The following PTER variants were observed in gnomAD, a reference collection of about 807,000 sequenced individuals.
PTER encodes the protein N-acetyltaurine hydrolase.
A neutral mutation model predicts 29.6 loss-of-function variants in PTER; 38 were observed. That is an observed-to-expected ratio of 1.28 (90% confidence interval 0.99 to 1.68). PTER has a LOEUF of 1.68. Among genes scored for constraint, PTER ranks in the 40% most tolerant of loss-of-function variants. The pLI, the probability that PTER is intolerant of heterozygous loss-of-function variation, is 0.00. For missense variants in PTER, 482 were observed against 427.8 expected, an observed-to-expected ratio of 1.13 and a Z score of -1.12; for synonymous variants, 172 against 154.5, an observed-to-expected ratio of 1.11 and a Z score of -0.84.
At chr10:16,496,880 TA>T (rs1836126192) in intron 3 of PTER, among the ~76,000 whole-genome samples, 3 of 152,054 alleles carry the variant, frequency 2.0e-5, no homozygotes, top group Non-Finnish European at 2.9e-5. Flanking sequence ...ACTACACCCT[TA>T]TATTCAGGAA....
intron 4 of PTER, among the ~76,000 whole-genome samples, chr10:16,508,386 A>G (rs1836675146): frequency 6.6e-6 from 1 of 151,928 alleles, no homozygotes; most frequent in South Asian, 2.1e-4. Context: ...TGTTTTCTAA[A>G]TCATCTTGGA....
chr10:16,488,004 A>C (rs1174019735), intron 3 of PTER, among the ~76,000 whole-genome samples: 3 of 152,212 alleles, frequency 2.0e-5, no homozygotes, highest in Non-Finnish European at 4.4e-5. Context: ...TCTTTTACTT[A>C]ATAAAAAATA....
chr10:16,466,270 G>A (rs1834820103), intron 1 of PTER, among the ~76,000 whole-genome samples: 2 of 151,396 alleles, frequency 1.3e-5, no homozygotes, highest in African/African-American at 4.9e-5. Context: ...CCCTGCTAGT[G>A]GCTGTCAGAC....
intron 1 of PTER, chr10:16,476,263 T>A (rs1835258796): frequency 6.6e-6 from 1 of 152,110 alleles, no homozygotes; most frequent in African/African-American, 2.4e-5. Flanking sequence ...TTTGTATTTT[T>A]AGTAGACAGG....
intron 1 of PTER, among the ~76,000 whole-genome samples, chr10:16,466,724 C>G (rs576369687): frequency 2.0e-5 from 3 of 152,280 alleles, no homozygotes; most frequent in African/African-American, 7.2e-5. Context: ...GAGAGTCTAC[C>G]GTGTGATCTT....
chr10:16,437,810 T>G (rs1464775991), intron 1 of PTER, among the ~76,000 whole-genome samples: 2 of 151,734 alleles, frequency 1.3e-5, no homozygotes, highest in African/African-American at 4.8e-5. Flanking sequence ...AGAGGTGGAG[T>G]CTTTCTGACT....
At chr10:16,504,904 T>C (rs1836498614) in intron 3 of PTER, 116 bp from the exon 4 acceptor site, 3 of 1,165,752 alleles carry the variant, frequency 2.6e-6, no homozygotes, top group Non-Finnish European at 3.6e-6. Flanking sequence ...GAAGTGTCTG[T>C]TACTCGACTT....
intron 1 of PTER, among the ~76,000 whole-genome samples, chr10:16,474,836 G>A (rs1240980810): frequency 6.6e-6 from 1 of 152,050 alleles, no homozygotes; most frequent in Non-Finnish European, 1.5e-5. Context: ...GCAGTGAGCC[G>A]AGATCGCACC....
At chr10:16,505,299 T>C in intron 4 of PTER, 139 bp downstream of exon 4, 1 of 1,100,150 alleles carries the variant, frequency 9.1e-7, no homozygotes, top group Non-Finnish European at 1.3e-6. Flanking sequence ...ATATCTATGC[T>C]GTTTCAGGGA....
chr10:16,444,004 C>G (rs1041223335), intron 1 of PTER, among the ~76,000 whole-genome samples: 2 of 136,862 alleles, frequency 1.5e-5, no homozygotes. Flanking sequence ...AAAACTTTTT[C>G]TTTTTTTTTT....
intron 1 of PTER, among the ~76,000 whole-genome samples, chr10:16,463,025 G>A (rs539743381): frequency 6.6e-6 from 1 of 151,598 alleles, no homozygotes; most frequent in African/African-American, 2.4e-5. Context: ...AACCCCGTCT[G>A]TACTAAAAAT....
chr10:16,457,933 G>A (rs748417799), intron 1 of PTER, among the ~76,000 whole-genome samples: 1 of 152,124 alleles, frequency 6.6e-6, no homozygotes, highest in Non-Finnish European at 1.5e-5. Flanking sequence ...TTTATCATAA[G>A]TGTATTCATT....
At chr10:16,485,108 T>C (rs1381367429) in intron 2 of PTER, among the ~76,000 whole-genome samples, 1 of 152,210 alleles carries the variant, frequency 6.6e-6, no homozygotes, top group East Asian at 1.9e-4. Flanking sequence ...GTTAGATTTG[T>C]GTGTATCGTA....
Position 16,484,453 on chromosome 10 carries a change from C to T in PTER, c.69C>T (p.Thr23=), listed in dbSNP as rs1313504345. 5 of 1,613,772 alleles carry T rather than the reference C, an allele frequency of 3.1e-6. No homozygotes were observed. Among genetic ancestry groups the T allele is most frequent in the South Asian group, 1.1e-5 (1 of 91,046 alleles). ...GLVEPSKLGR[T]LTHEHLAMTF... ...TAGAGCCAAGCAAACTGGGCCGTAC[C>T]CTGACCCATGAACACCTGGCCATGA... Residue 23 remains threonine (T), a synonymous_variant, in exon 2 of 5, where the codon ACC becomes ACT. Coordinates refer to ENST00000535784, the MANE Select transcript of PTER (RefSeq NM_001261836.2).
intron 1 of PTER, among the ~76,000 whole-genome samples, chr10:16,458,249 C>G (rs937778919): frequency 6.6e-6 from 1 of 151,754 alleles, no homozygotes; most frequent in Non-Finnish European, 1.5e-5. Flanking sequence ...GCTCTCATAT[C>G]ACAACTTGGC....
At chr10:16,480,569 C>G (rs2000200) in intron 1 of PTER, among the ~76,000 whole-genome samples, 137 of 151,830 alleles carry the variant, frequency 9.0e-4, no homozygotes, top group African/African-American at 3.1e-3. Flanking sequence ...TAACAGAGTC[C>G]GGGGTGGGAG....
At chr10:16,445,518 T>G (rs1161860195) in intron 1 of PTER, among the ~76,000 whole-genome samples, 2 of 152,226 alleles carry the variant, frequency 1.3e-5, no homozygotes, top group African/African-American at 4.8e-5. Context: ...TTTTTATTTA[T>G]GCTTCTCTGG....
downstream of PTER, among the ~76,000 whole-genome samples, chr10:16,516,764 G>A (rs752807111): frequency 3.3e-5 from 5 of 152,188 alleles, no homozygotes; most frequent in African/African-American, 9.7e-5. Context: ...TTCAGTAGGC[G>A]TAACCACAAA....
chr10:16,451,989 C>G (rs1834226704), intron 1 of PTER, among the ~76,000 whole-genome samples: 1 of 152,096 alleles, frequency 6.6e-6, no homozygotes, highest in African/African-American at 2.4e-5. Context: ...ACTACCTTTA[C>G]CACTAATTAC....
Sources: gnomAD v4.1 joint callset for allele counts (sites outside exome capture counted in the v4.1 genomes callset) on GRCh38, gnomAD v4.1.1 for gene constraint, MANE v1.5 for transcripts, NCBI Gene and HGNC (gene_info 2026-07-23, HGNC 2026-07-21) for gene names.